Variants in CXCL8 observed in about 807,000 individuals in gnomAD.
CXCL8 encodes C-X-C motif chemokine ligand 8, also known as interleukin-8.
In CXCL8, 12 loss-of-function variants were observed where a neutral mutation model predicts 10.9. The ratio of observed to expected loss-of-function variants is 1.10; its 90% CI spans 0.71 to 1.79. The LOEUF (loss-of-function observed/expected upper bound fraction) is 1.79. CXCL8 is among the 40% of genes most tolerant of loss of function. The probability of loss-of-function intolerance (pLI) is 0.00; values close to 1 mark genes in which losing one functional copy is unlikely to be tolerated. For missense variants in CXCL8, 145 were observed against 113.4 expected, an observed-to-expected ratio of 1.28 and a Z score of -1.26; for synonymous variants, 41 against 39.6, an observed-to-expected ratio of 1.03 and a Z score of -0.13.
rs1729230354 is a variant in CXCL8, at chr4:73,743,265, A to G, written c.*801A>G. ...ATGATGTTTTATTAGATAAATTTCA[A>G]TCAGGGTTTTTAGATTAAACAAACA... On this transcript the variant is annotated 3_prime_UTR_variant, in exon 4 of 4. Transcript: ENST00000307407. 3 of 218,254 alleles carry G rather than the reference A, an allele frequency of 1.4e-5. No individual in the cohort carries two copies. Among genetic ancestry groups the G allele is most frequent in the African/African-American group, 6.7e-5 (3 of 44,700 alleles). The allele number at this position is 218,254 out of a possible 1,614,324, so 13.5% of individuals were successfully genotyped here.
chr4:73,741,718 A>T, intron 2 of CXCL8, 41 bp downstream of exon 2: 2 of 1,568,550 alleles, frequency 1.3e-6, no homozygotes, highest in Non-Finnish European at 1.7e-6. Flanking sequence ...GTTTTAGCAA[A>T]CTTAAAATTA....
Position 73,741,614 on chromosome 4 carries a change from C to T in CXCL8, c.137C>T (p.Pro46Leu). ...AAGACATACTCCAAACCTTTCCACCCCAAATTTATCAAAGAACTGAGAGTG... is the reference window on the plus strand; with the variant it reads ...AAGACATACTCCAAACCTTTCCACCTCAAATTTATCAAAGAACTGAGAGTG... Reference protein sequence around the residue: ...CIKTYSKPFHPKFIKELRVIE... With the variant: ...CIKTYSKPFHLKFIKELRVIE... The change falls in exon 2 of 4, where the codon CCC (proline) becomes CTC (leucine). Residue 46 changes from proline (P) to leucine (L), a missense_variant. Pro to Leu is a moderately conservative substitution (Grantham distance 98). Coordinates refer to ENST00000307407, the MANE Select transcript of CXCL8 (RefSeq NM_000584.4). 1 of 1,613,436 alleles carries T rather than the reference C, an allele frequency of 6.2e-7. No homozygotes were observed. Among genetic ancestry groups the T allele is most frequent in the Non-Finnish European group, 8.5e-7 (1 of 1,179,502 alleles).
At chr4:73,741,868 A>G in intron 2 of CXCL8, 81 bp from the exon 3 acceptor site, 1 of 1,169,964 alleles carries the variant, frequency 8.5e-7, no homozygotes, top group Non-Finnish European at 1.3e-6. Flanking sequence ...TTTTGGACTT[A>G]GACTTTATGC....
intron 3 of CXCL8, 102 bp downstream of exon 3, chr4:73,742,134 G>A (rs1397568200): frequency 3.2e-6 from 2 of 624,022 alleles, no homozygotes; most frequent in Non-Finnish European, 5.2e-6. Flanking sequence ...TCGTCATTAG[G>A]TATCTGCCTT....
chr4:73,742,707 A>C lies in CXCL8; in HGVS notation c.*243A>C. 2.9e-6 allele frequency: 1 copy of C among 344,210 alleles called. No homozygotes were observed. The highest frequency in any genetic ancestry group is 5.4e-6 in the Non-Finnish European group (1 of 184,766). The allele number at this position is 344,210 out of a possible 1,614,324, so 21.3% of individuals were successfully genotyped here. A position where few individuals can be genotyped will look rare whatever the true frequency, so the allele number is the denominator to read the frequency against. On this transcript the variant is annotated 3_prime_UTR_variant, in exon 4 of 4. Transcript: ENST00000307407. ...TTGAATCTACAAAAAACAACAAATA[A>C]TTTTTAAATATAAGGATTTTCCTAG... is the stretch of plus-strand genomic sequence containing the variant.
In CXCL8 at chr4:73,742,952, C is replaced by G; in HGVS notation, c.*488C>G. ...GCAACCCTAGTCTGCTAGCCAGGAT[C>G]CACAAGTCCTTGTTCCACTGTGCCT... On this transcript the variant is annotated 3_prime_UTR_variant, in exon 4 of 4. Transcript: ENST00000307407. 1 of 231,404 alleles carries G rather than the reference C, an allele frequency of 4.3e-6. No homozygotes were observed. The highest frequency in any genetic ancestry group is 2.2e-5 in the African/African-American group (1 of 45,304). 14.3% of individuals were successfully genotyped at this position (231,404 alleles called of 1,614,324 possible).
Position 73,740,585 on chromosome 4 carries a change from A to T in CXCL8, c.-74A>T. 7.3e-7 allele frequency: 1 copy of T among 1,367,070 alleles called. No individual in the cohort carries two copies. Among genetic ancestry groups the T allele is most frequent in the Non-Finnish European group, 1.0e-6 (1 of 966,064 alleles). 84.7% of individuals were successfully genotyped at this position (1,367,070 alleles called of 1,614,324 possible). A position where few individuals can be genotyped will look rare whatever the true frequency, so the allele number is the denominator to read the frequency against. ...CCATAAGGCACAAACTTTCAGAGAC[A>T]GCAGAGCACACAAGCTTCTAGGACA... On this transcript the variant is annotated 5_prime_UTR_variant, in exon 1 of 4. Coordinates refer to ENST00000307407, the MANE Select transcript of CXCL8 (RefSeq NM_000584.4).
chr4:73,742,142 C>A, intron 3 of CXCL8, 110 bp downstream of exon 3: 1 of 526,788 alleles, frequency 1.9e-6, no homozygotes, highest in Non-Finnish European at 3.1e-6. Context: ...AGGTATCTGC[C>A]TTTTTGGTTA....
In CXCL8 at chr4:73,742,610, A is replaced by G; in HGVS notation, c.*146A>G. On this transcript the variant is annotated 3_prime_UTR_variant, in exon 4 of 4. Transcript: ENST00000307407. ...AGATTCCTGGTTAAATTTGAATTTC[A>G]GTAAACAATGAATAGTTTTTCATTG... 3 of 466,002 alleles carry G rather than the reference A, an allele frequency of 6.4e-6. No individual in the cohort carries two copies. Among genetic ancestry groups the G allele is most frequent in the Non-Finnish European group, 1.2e-5 (3 of 255,980 alleles). 28.9% of individuals were successfully genotyped at this position (466,002 alleles called of 1,614,324 possible).
Position 73,740,713 on chromosome 4 carries a change from C to G in CXCL8, c.55C>G (p.Leu19Val), listed in dbSNP as rs1729149482. 1 of 1,613,316 alleles carries G rather than the reference C, an allele frequency of 6.2e-7. No individual in the cohort carries two copies. The highest frequency in any genetic ancestry group is 8.5e-7 in the Non-Finnish European group (1 of 1,179,496). The change falls in exon 1 of 4, where the codon CTG (leucine) becomes GTG (valine). Residue 19 changes from leucine (L) to valine (V), a missense_variant. By Grantham distance (32) the Leu-to-Val change is conservative (BLOSUM62 1). Coordinates refer to ENST00000307407, the MANE Select transcript of CXCL8 (RefSeq NM_000584.4). ...GGCAGCCTTCCTGATTTCTGCAGCT[C>G]TGTGTGAAGGTAAGCACATCTTTCT... is the stretch of plus-strand genomic sequence containing the variant. ...LLAAFLISAALCEGAVLPRSA... is the reference protein window; with the variant it reads ...LLAAFLISAAVCEGAVLPRSA...
At position 73,741,953 on chromosome 4, in the gene CXCL8, A is replaced by G; in HGVS notation, c.205A>G (p.Lys69Glu). 17 of 1,604,636 alleles carry G rather than the reference A, an allele frequency of 1.1e-5. No homozygotes were observed. Among genetic ancestry groups the G allele is most frequent in the Non-Finnish European group, 1.5e-5 (17 of 1,172,020 alleles). The change falls in exon 3 of 4, where the codon AAG (lysine) becomes GAG (glutamate). Residue 69 changes from lysine (K) to glutamate (E), a missense_variant. Coordinates refer to ENST00000307407, the MANE Select transcript of CXCL8 (RefSeq NM_000584.4). ...PHCANTEIIV[K>E]LSDGRELCLD... The stretch of plus-strand genomic sequence containing the variant: ...ACCATTTCTTTCTTATTTCAGTGTA[A>G]AGCTTTCTGATGGAAGAGAGCTCTG...
At position 73,742,573 on chromosome 4, in the gene CXCL8, A is replaced by G. The variant is rs1729210364; in HGVS notation, c.*109A>G. The G allele has an allele frequency of 5.6e-6, 3 of 534,266 alleles. No individual in the cohort carries two copies. The highest frequency in any genetic ancestry group is 3.8e-5 in the Admixed American group (1 of 26,438). 33.1% of individuals were successfully genotyped at this position (534,266 alleles called of 1,614,324 possible). A position where few individuals can be genotyped will look rare whatever the true frequency, so the allele number is the denominator to read the frequency against. On this transcript the variant is annotated 3_prime_UTR_variant, in exon 4 of 4. Transcript: ENST00000307407. ...TGTGTGGGTCTGTTGTAGGGTTGCC[A>G]GATGCAATACAAGATTCCTGGTTAA...
intron 1 of CXCL8, among the ~76,000 whole-genome samples, 180 bp from the exon 2 acceptor site, chr4:73,741,362 G>GT (rs1729167085): frequency 6.6e-6 from 1 of 152,150 alleles, no homozygotes; most frequent in African/African-American, 2.4e-5. Flanking sequence ...AGTTATGACT[G>GT]TTTTTTAAAA....
Position 73,741,599 on chromosome 4 carries a change from C to A in CXCL8, c.122C>A (p.Ser41Tyr), listed in dbSNP as rs749738011. The A allele has an allele frequency of 6.2e-7, 1 of 1,613,312 alleles. No individual in the cohort carries two copies. Among genetic ancestry groups the A allele is most frequent in the South Asian group, 1.1e-5 (1 of 91,076 alleles). ...AGATGTCAGTGCATAAAGACATACT[C>A]CAAACCTTTCCACCCCAAATTTATC... The part of the protein sequence containing the change: ...ELRCQCIKTY[S>Y]KPFHPKFIKE... Residue 41 changes from serine to tyrosine, a missense_variant, in exon 2 of 4, where the codon TCC becomes TAC. Coordinates refer to ENST00000307407, the MANE Select transcript of CXCL8 (RefSeq NM_000584.4).
In CXCL8 at chr4:73,741,681, A is replaced by G; in HGVS notation, c.200+4A>G. The G allele has an allele frequency of 6.2e-7, 1 of 1,605,634 alleles. No individual in the cohort carries two copies. The highest frequency in any genetic ancestry group is 8.5e-7 in the Non-Finnish European group (1 of 1,177,006). ...ACTGCGCCAACACAGAAATTATGTA[A>G]GTACTTTAAAAAAGATTAGATATTT... On this transcript the variant is annotated splice_donor_region_variant and intron_variant, in intron 2 of 3. Transcript: ENST00000307407.
intron 2 of CXCL8, 136 bp downstream of exon 2, chr4:73,741,813 C>T (rs1425735693): frequency 2.8e-6 from 3 of 1,060,986 alleles, no homozygotes; most frequent in African/African-American, 1.6e-5. Context: ...TATTTGTCTA[C>T]ATGACATTTA....
Position 73,742,576 on chromosome 4 carries a change from T to A in CXCL8, c.*112T>A. Reference sequence around the variant, plus strand: ...GTGGGTCTGTTGTAGGGTTGCCAGATGCAATACAAGATTCCTGGTTAAATT... The same window carrying A: ...GTGGGTCTGTTGTAGGGTTGCCAGAAGCAATACAAGATTCCTGGTTAAATT... On this transcript the variant is annotated 3_prime_UTR_variant, in exon 4 of 4. Transcript: ENST00000307407. 1.9e-6 allele frequency: 1 copy of A among 520,028 alleles called. No individual in the cohort carries two copies. Among genetic ancestry groups the A allele is most frequent in the Non-Finnish European group, 3.4e-6 (1 of 293,856 alleles). 32.2% of individuals were successfully genotyped at this position (520,028 alleles called of 1,614,324 possible).
In CXCL8 at chr4:73,743,458, A is replaced by G. The variant is rs1578114691; in HGVS notation, c.*994A>G. 3.9e-5 allele frequency: 8 copies of G among 204,078 alleles called. No homozygotes were observed. The East Asian group carries it at 6.2e-4, about 16-fold the overall frequency. The allele number at this position is 204,078 out of a possible 1,614,324, so 12.6% of individuals were successfully genotyped here. A position where few individuals can be genotyped will look rare whatever the true frequency, so the allele number is the denominator to read the frequency against. On this transcript the variant is annotated 3_prime_UTR_variant, in exon 4 of 4. Coordinates refer to ENST00000307407, the MANE Select transcript of CXCL8 (RefSeq NM_000584.4). ...TTGGTAGTGCTGTGTTGAATTACGG[A>G]ATAATGAGTTAGAACTATTAAAACA...
At chr4:73,742,202 A>G (rs1189425647) in intron 3 of CXCL8, 170 bp downstream of exon 3, 4 of 589,292 alleles carry the variant, frequency 6.8e-6, no homozygotes, top group Non-Finnish European at 1.2e-5. Context: ...TCATGACCAG[A>G]AAGACCATAC....
Sources: allele counts gnomAD v4.1 joint callset (sites outside exome capture counted in the v4.1 genomes callset), GRCh38; gene constraint gnomAD v4.1.1; transcripts MANE v1.5; gene names NCBI Gene and HGNC (gene_info 2026-07-23, HGNC 2026-07-21).